The following DPT variants were observed in gnomAD, a reference collection of about 807,000 sequenced individuals.
The protein encoded by DPT is tyrosine-rich acidic matrix protein.
DPT carries 21 observed loss-of-function variants against 31.2 expected under a neutral mutation model. That is an observed-to-expected ratio of 0.67 (90% CI 0.48 to 0.97). The LOEUF (loss-of-function observed/expected upper bound fraction) is 0.97. DPT is among the 50% of genes least tolerant of loss of function. The probability of loss-of-function intolerance (pLI) is 0.00; values close to 1 mark genes in which losing one functional copy is unlikely to be tolerated. For synonymous variants in DPT, 91 were observed against 86.9 expected (o/e 1.05, Z -0.26); for missense variants, 262 against 258.8 (o/e 1.01, Z -0.08).
At chr1:168,725,601 G>A (rs895047079) in intron 1 of DPT, among the ~76,000 whole-genome samples, 1 of 152,118 alleles carries the variant, frequency 6.6e-6, no homozygotes, top group African/African-American at 2.4e-5. Context: ...CACTCATGGG[G>A]ACCCAGGTAA....
At chr1:168,719,920 ACTC>A (rs1650064516) in intron 1 of DPT, among the ~76,000 whole-genome samples, 1 of 152,042 alleles carries the variant, frequency 6.6e-6, no homozygotes, top group Non-Finnish European at 1.5e-5. Flanking sequence ...CAAGGTAATT[ACTC>A]CTCCTCTGAA....
At chr1:168,700,926 T>G in intron 3 of DPT, 91 bp downstream of exon 3, 1 of 766,098 alleles carries the variant, frequency 1.3e-6, no homozygotes, top group Non-Finnish European at 2.3e-6. Flanking sequence ...TGTGTGTGTG[T>G]GTTTATAAAT....
At chr1:168,711,485 A>T (rs1649861391) in intron 2 of DPT, among the ~76,000 whole-genome samples, 1 of 152,138 alleles carries the variant, frequency 6.6e-6, no homozygotes, top group South Asian at 2.1e-4. Flanking sequence ...ATCTCTGCAG[A>T]GACCTCGAGC....
At chr1:168,726,528 G>A (rs969184030) in intron 1 of DPT, among the ~76,000 whole-genome samples, 3 of 152,212 alleles carry the variant, frequency 2.0e-5, no homozygotes, top group Admixed American at 2.0e-4. Context: ...GCGGGAGACT[G>A]GAGGGCTGAG....
At chr1:168,714,461 T>C in intron 1 of DPT, 115 bp from the exon 2 acceptor site, 1 of 1,265,228 alleles carries the variant, frequency 7.9e-7, no homozygotes, top group Non-Finnish European at 1.1e-6. Flanking sequence ...CTTAACAATT[T>C]ATTCCATTTT....
In DPT at chr1:168,729,151, T is replaced by A. The variant is rs776257080; in HGVS notation, c.24A>T (p.Val8=). MDLSLLW[V]LLPLVTMAWG... is the part of the protein sequence containing the mutation. ...AGGCCATGGTGACTAGGGGCAGAAG[T>A]ACCCAGAGAAGACTGAGGTCCATGC... The change falls in exon 1 of 4, where the codon GTA becomes GTT. Residue 8 remains valine, a synonymous_variant. Coordinates refer to ENST00000367817, the MANE Select transcript of DPT (RefSeq NM_001937.5). 1.9e-6 allele frequency: 3 copies of A among 1,613,770 alleles called. No individual in the cohort carries two copies. The African/African-American group carries it at 4.0e-5, about 22-fold the overall frequency.
chr1:168,709,605 A>G (rs1490592522), intron 2 of DPT, among the ~76,000 whole-genome samples: 1 of 152,142 alleles, frequency 6.6e-6, no homozygotes, highest in African/African-American at 2.4e-5. Flanking sequence ...TCCAGCCCAG[A>G]GTGATGATAT....
Position 168,717,325 on chromosome 1 carries a change from A to C in DPT, c.306-2979T>G, listed in dbSNP as rs546237056. 5.3e-5 allele frequency among the ~76,000 whole-genome samples: 8 copies of C among 152,168 alleles called. No individual in the cohort carries two copies. In the South Asian group the frequency reaches 1.5e-3, roughly 28 times the overall value. On this transcript the variant is annotated intron_variant, in intron 1 of 3. Transcript: ENST00000367817. ...GATCAGTGAGGTTGAGCTTTTTTTC[A>C]TATGTTTGTTGGCCACATAAATGTC...
intron 1 of DPT, among the ~76,000 whole-genome samples, chr1:168,717,894 G>T (rs572830437): frequency 6.6e-6 from 1 of 152,298 alleles, no homozygotes; most frequent in African/African-American, 2.4e-5. Context: ...CTAGGCTCAT[G>T]ATATGGTGGA....
chr1:168,728,865 C>T lies in DPT; in HGVS notation c.305+5G>A, dbSNP rs372741444. The T allele has an allele frequency of 2.5e-6, 4 of 1,613,956 alleles. No homozygotes were observed. The highest frequency in any genetic ancestry group is 3.3e-5 in the Admixed American group (2 of 60,020). On this transcript the variant is annotated splice_donor_5th_base_variant and intron_variant, in intron 1 of 3. Coordinates refer to ENST00000367817, the MANE Select transcript of DPT (RefSeq NM_001937.5). ...CCCCAGTGCAGTGCAGGGACTGGCC[C>T]TTACCATTCCATGCCAGCCCTGTTG...
At chr1:168,714,430 A>C in intron 1 of DPT, 84 bp from the exon 2 acceptor site, 1 of 1,512,388 alleles carries the variant, frequency 6.6e-7, no homozygotes, top group Non-Finnish European at 9.1e-7. Context: ...ACAGTTACAC[A>C]CTCTTTCTCT....
chr1:168,718,691 CTAAT>C (rs1369254890), intron 1 of DPT, among the ~76,000 whole-genome samples: 3 of 152,192 alleles, frequency 2.0e-5, no homozygotes, highest in Non-Finnish European at 4.4e-5. Context: ...TTCGTGCCCT[CTAAT>C]AGCCTCAGTT....
intron 3 of DPT, among the ~76,000 whole-genome samples, chr1:168,700,666 T>G (rs1649573865): frequency 6.6e-6 from 1 of 152,080 alleles, no homozygotes; most frequent in Admixed American, 6.6e-5. Flanking sequence ...GATACCGAGT[T>G]TAGGACTCTC....
chr1:168,705,402 C>T (rs1011044205), intron 2 of DPT, among the ~76,000 whole-genome samples: 6 of 152,086 alleles, frequency 3.9e-5, no homozygotes, highest in African/African-American at 1.4e-4. Context: ...GGTCAGGAAA[C>T]ATCATATCCC....
At chr1:168,697,971 G>C (rs1649501412) in intron 3 of DPT, among the ~76,000 whole-genome samples, 1 of 152,180 alleles carries the variant, frequency 6.6e-6, no homozygotes, top group Admixed American at 6.5e-5. Flanking sequence ...CAAAAACGAA[G>C]AGTTTTTCCA....
At chr1:168,710,375 T>C (rs1348005066) in intron 2 of DPT, among the ~76,000 whole-genome samples, 1 of 152,238 alleles carries the variant, frequency 6.6e-6, no homozygotes, top group Non-Finnish European at 1.5e-5. Context: ...TTTGGATTAA[T>C]TCTCTGTACT....
intron 1 of DPT, among the ~76,000 whole-genome samples, chr1:168,726,344 C>T (rs770420605): frequency 6.6e-6 from 1 of 152,238 alleles, no homozygotes; most frequent in African/African-American, 2.4e-5. Flanking sequence ...TCATGACAAA[C>T]CAGTCACAGT....
At chr1:168,720,101 A>G (rs1435218129) in intron 1 of DPT, among the ~76,000 whole-genome samples, 2 of 152,038 alleles carry the variant, frequency 1.3e-5, no homozygotes, top group East Asian at 3.9e-4. Flanking sequence ...ATCAGCAGAC[A>G]TGAGTTCTAG....
In DPT at chr1:168,714,202, G is replaced by T. The variant is rs757014978; in HGVS notation, c.431+19C>A. Reference sequence around the variant, plus strand: ...CCCACCCCAGGAGTCATGAGGGTTTGGTCGGCTGCCAGACTCACCAGCAGG... The same window carrying T: ...CCCACCCCAGGAGTCATGAGGGTTTTGTCGGCTGCCAGACTCACCAGCAGG... On this transcript the variant is annotated intron_variant, in intron 2 of 3. Transcript: ENST00000367817. 4 of 1,613,980 alleles carry T rather than the reference G, an allele frequency of 2.5e-6. No individual in the cohort carries two copies. The highest frequency in any genetic ancestry group is 1.1e-5 in the South Asian group (1 of 91,044).
Sources: allele counts gnomAD v4.1 joint callset (sites outside exome capture counted in the v4.1 genomes callset), GRCh38; gene constraint gnomAD v4.1.1; transcripts MANE v1.5; gene names NCBI Gene and HGNC (gene_info 2026-07-23, HGNC 2026-07-21).